The following WNK2 variants were observed in gnomAD, a reference collection of about 807,000 sequenced individuals.
WNK2 encodes the protein serine/threonine-protein kinase WNK2.
Under a neutral mutation model 192.1 loss-of-function variants are expected in WNK2, and 67 were observed. The observed-to-expected ratio is 0.35, with a 90% CI of 0.29 to 0.43. The LOEUF is 0.43. WNK2 is among the 20% of genes least tolerant of loss of function. The pLI is 1.00. For synonymous variants in WNK2, 1,439 were observed against 1,393.9 expected (o/e 1.03, Z -0.72); for missense variants, 2,698 against 3,089.7 (o/e 0.87, Z 3.01).
chr9:93,287,700 C>T (rs1017168207), intron 19 of WNK2, among the ~76,000 whole-genome samples: 1 of 152,104 alleles, frequency 6.6e-6, no homozygotes. Flanking sequence ...TATTAATCTC[C>T]CCATTCTCAC....
At chr9:93,306,487 C>CT in intron 26 of WNK2, 1 of 362,648 alleles carries the variant, frequency 2.8e-6, no homozygotes, top group Non-Finnish European at 4.9e-6. Flanking sequence ...TTTCTTTTTT[C>CT]TTTCTCTTTT....
intron 2 of WNK2, among the ~76,000 whole-genome samples, chr9:93,221,866 G>A (rs1836956023): frequency 6.6e-6 from 1 of 152,324 alleles, no homozygotes; most frequent in Non-Finnish European, 1.5e-5. Flanking sequence ...TTATTCCCGT[G>A]TTTAGAAACA....
In WNK2 at chr9:93,257,308, GCA is replaced by G. The variant is rs1317509108; in HGVS notation, c.2382+172_2382+173del. On this transcript the variant is annotated intron_variant, in intron 11 of 29. Transcript: ENST00000427277. The surrounding 1 kb of genome is among the most constrained non-coding windows in gnomAD (Gnocchi z 4.7). ...CTGGGGAGTCCGGGCTGGGCAGTGT[GCA>G]CAGTCATATGCACCAGGAACGCTCC... Among the ~76,000 whole-genome samples, 2 of 152,130 alleles carry G rather than the reference GCA, an allele frequency of 1.3e-5. No individual in the cohort carries two copies. The highest frequency in any genetic ancestry group is 4.8e-5 in the African/African-American group (2 of 41,418).
At chr9:93,261,290 A>C (rs528747572) in intron 12 of WNK2, among the ~76,000 whole-genome samples, 1 of 152,312 alleles carries the variant, frequency 6.6e-6, no homozygotes, top group South Asian at 2.1e-4. Flanking sequence ...TGCACTTTCC[A>C]ATCCATGGTT....
chr9:93,271,678 A>G (rs570499833), intron 19 of WNK2, among the ~76,000 whole-genome samples: 2 of 152,364 alleles, frequency 1.3e-5, no homozygotes, highest in South Asian at 4.1e-4. Context: ...CTGCGGAACA[A>G]TAACTAAAGG....
At chr9:93,241,488 T>G (rs796697345) in intron 7 of WNK2, among the ~76,000 whole-genome samples, 6 of 152,338 alleles carry the variant, frequency 3.9e-5, no homozygotes, top group African/African-American at 1.4e-4. Flanking sequence ...GTTGAAAATG[T>G]CCATCAGTCA....
intron 8 of WNK2, among the ~76,000 whole-genome samples, 188 bp from the exon 9 acceptor site, chr9:93,252,695 G>A (rs1842753013): frequency 6.6e-6 from 1 of 152,352 alleles, no homozygotes; most frequent in South Asian, 2.1e-4. Context: ...GTGTTGGAGT[G>A]GGGCACCGTG....
intron 29 of WNK2, chr9:93,319,515 C>A: frequency 1.5e-6 from 1 of 650,778 alleles, no homozygotes; most frequent in African/African-American, 2.0e-5. Context: ...CACCTGATTA[C>A]ACTTAGCAGT....
In WNK2 at chr9:93,191,017, C is replaced by CT. The variant is rs1159994515; in HGVS notation, c.681+5408dup. Among the ~76,000 whole-genome samples the CT allele has an allele frequency of 3.9e-5, 6 of 152,180 alleles. No homozygotes were observed. The South Asian group carries it at 8.3e-4, about 21-fold the overall frequency. On this transcript the variant is annotated intron_variant, in intron 2 of 29. Transcript: ENST00000427277. ...AGGCCAAGGAGGTGCAAGATGGGGC[C>CT]TGCGCTGGAGACCCCCACGGAGGAC...
intron 2 of WNK2, among the ~76,000 whole-genome samples, chr9:93,205,286 T>C (rs897843639): frequency 1.3e-5 from 2 of 152,202 alleles, no homozygotes; most frequent in Non-Finnish European, 2.9e-5. Flanking sequence ...CACAGATGTG[T>C]CAGTGAGCAG....
intron 9 of WNK2, among the ~76,000 whole-genome samples, chr9:93,255,038 A>G (rs190111686): frequency 3.3e-5 from 5 of 152,270 alleles, no homozygotes; most frequent in African/African-American, 1.2e-4. Flanking sequence ...TGGTCTCAGC[A>G]TCAGTGTGGA....
At chr9:93,320,165 G>C (rs1855293667) in intron 29 of WNK2, among the ~76,000 whole-genome samples, 1 of 152,254 alleles carries the variant, frequency 6.6e-6, no homozygotes. Context: ...GTGCTGACTG[G>C]TCACACAAAG....
chr9:93,257,761 A>C lies in WNK2; in HGVS notation c.2382+622A>C, dbSNP rs1843542643. On this transcript the variant is annotated intron_variant, in intron 11 of 29. Transcript: ENST00000427277. The surrounding 1 kb of genome is among the most constrained non-coding windows in gnomAD (Gnocchi z 4.7). ...CTGACTGCAGGAAAGCCCAGCCAGC[A>C]AGGCTCGACTCACACAGCTGAAGTG... 6.6e-6 allele frequency among the ~76,000 whole-genome samples: 1 copy of C among 152,210 alleles called. No individual in the cohort carries two copies. Among genetic ancestry groups the C allele is most frequent in the South Asian group, 2.1e-4 (1 of 4,824 alleles).
intron 10 of WNK2, 43 bp downstream of exon 10, chr9:93,256,497 C>T (rs1043688265): frequency 1.3e-6 from 2 of 1,482,494 alleles, no homozygotes; most frequent in Admixed American, 2.1e-5. Context: ...TCCAGGCAGG[C>T]AGTCACCTGT....
At chr9:93,264,165 C>T (rs1844799982) in intron 16 of WNK2, 132 bp downstream of exon 16, 1 of 684,142 alleles carries the variant, frequency 1.5e-6, no homozygotes, top group Non-Finnish European at 2.6e-6. Flanking sequence ...CTTTTCGGGA[C>T]AGTGCTGACC....
chr9:93,237,858 T>TTC (rs969365087), intron 5 of WNK2, among the ~76,000 whole-genome samples: 1 of 100,010 alleles, frequency 1.0e-5, no homozygotes, highest in African/African-American at 4.3e-5. Context: ...CTTGGGGCTC[T>TTC]TTTTTTTTTT....
intron 8 of WNK2, among the ~76,000 whole-genome samples, chr9:93,252,424 T>C (rs1307826166): frequency 6.6e-6 from 1 of 152,238 alleles, no homozygotes; most frequent in East Asian, 1.9e-4. Context: ...TTTGGGCCCT[T>C]TGCCATGGTG....
intron 2 of WNK2, among the ~76,000 whole-genome samples, chr9:93,218,766 G>T (rs1836253593): frequency 6.6e-6 from 1 of 152,248 alleles, no homozygotes. Flanking sequence ...GTGTGTCTGG[G>T]TTGTCTGGCT....
At chr9:93,196,045 C>T (rs998539732) in intron 2 of WNK2, among the ~76,000 whole-genome samples, 3 of 152,160 alleles carry the variant, frequency 2.0e-5, no homozygotes, top group African/African-American at 4.8e-5. Flanking sequence ...TGAGGAACTT[C>T]TCAGAGCCTT....
Sources: allele counts gnomAD v4.1 joint callset (sites outside exome capture counted in the v4.1 genomes callset), GRCh38; gene constraint gnomAD v4.1.1; non-coding constraint Gnocchi (gnomAD v3.1); transcripts MANE v1.5; gene names NCBI Gene and HGNC (gene_info 2026-07-23, HGNC 2026-07-21).